C2CD5: variants seen among roughly 807,000 people sequenced by gnomAD.
C2CD5 encodes the protein C2 calcium dependent domain containing 5, also known as C2 domain-containing protein 5.
Under a neutral mutation model 130.3 loss-of-function variants are expected in C2CD5, and 109 were observed. That is an observed-to-expected ratio of 0.84 (90% confidence interval 0.72 to 0.98). The LOEUF is 0.98. Among genes scored for constraint, C2CD5 ranks in the 50% least tolerant of loss-of-function variants. C2CD5 has a pLI of 0.00. For synonymous variants in C2CD5, 454 were observed against 429.2 expected (o/e 1.06, Z -0.71); for missense variants, 996 against 1,261.8 (o/e 0.79, Z 3.19).
Position 22,493,273 on chromosome 12 carries a change from T to C in C2CD5, c.1212A>G (p.Lys404=). ...CCACTACAGCATGACAGCCTAATGCTTTAGCATGTGATTTTATTTCTTGTC... is the reference window on the plus strand; with the variant it reads ...CCACTACAGCATGACAGCCTAATGCCTTAGCATGTGATTTTATTTCTTGTC... ...EIRQEIKSHA[K]ALGCHAVVGY... The change falls in exon 11 of 27, where the codon AAA becomes AAG. Residue 404 remains lysine, a synonymous_variant. Coordinates refer to ENST00000446597, the MANE Select transcript of C2CD5 (RefSeq NM_001286176.2). 1 of 1,612,082 alleles carries C rather than the reference T, an allele frequency of 6.2e-7. No individual in the cohort carries two copies. Among genetic ancestry groups the C allele is most frequent in the Non-Finnish European group, 8.5e-7 (1 of 1,178,802 alleles).
chr12:22,461,761 G>A (rs1023015013), intron 22 of C2CD5, among the ~76,000 whole-genome samples: 5 of 152,006 alleles, frequency 3.3e-5, no homozygotes, highest in Admixed American at 1.3e-4. Context: ...AAAAAGGGAG[G>A]GAAAATGTTT....
chr12:22,489,586 T>C (rs1946072585), intron 12 of C2CD5, among the ~76,000 whole-genome samples: 1 of 152,100 alleles, frequency 6.6e-6, no homozygotes, highest in Non-Finnish European at 1.5e-5. Context: ...GCAAATACTA[T>C]ACCATTTTAT....
At chr12:22,466,301 A>C (rs1387523355) in intron 22 of C2CD5, among the ~76,000 whole-genome samples, 5 of 146,954 alleles carry the variant, frequency 3.4e-5, no homozygotes, top group African/African-American at 8.2e-5. Flanking sequence ...AAGTTACTGA[A>C]AGTAAAAAAA....
intron 7 of C2CD5, among the ~76,000 whole-genome samples, chr12:22,518,388 G>A (rs1477936480): frequency 6.6e-6 from 1 of 152,004 alleles, no homozygotes; most frequent in Non-Finnish European, 1.5e-5. Context: ...GACAGACTAA[G>A]GGGATAAAAA....
At chr12:22,532,776 G>A (rs895571380) in intron 3 of C2CD5, among the ~76,000 whole-genome samples, 1 of 152,128 alleles carries the variant, frequency 6.6e-6, no homozygotes, top group Admixed American at 6.6e-5. Flanking sequence ...CTCTTTCACT[G>A]AAGAATGACA....
intron 15 of C2CD5, chr12:22,477,388 T>C (rs1344765289): frequency 1.3e-5 from 2 of 152,154 alleles, no homozygotes; most frequent in African/African-American, 4.8e-5. Context: ...TTAACAACTA[T>C]GCTAGAATAA....
chr12:22,505,886 G>C (rs1053503658), intron 10 of C2CD5, among the ~76,000 whole-genome samples: 31 of 146,894 alleles, frequency 2.1e-4, no homozygotes, highest in Non-Finnish European at 9.3e-5. Flanking sequence ...TCAATTCTTA[G>C]CTACTCTAGA....
chr12:22,479,619 C>G (rs1006543562), intron 14 of C2CD5, among the ~76,000 whole-genome samples: 2 of 152,078 alleles, frequency 1.3e-5, no homozygotes, highest in Non-Finnish European at 2.9e-5. Context: ...AAAACCCAAA[C>G]GCATTTCACT....
rs1334451588 is a variant in C2CD5, at chr12:22,449,596, G to C, written c.*164C>G. 1 of 590,242 alleles carries C rather than the reference G, an allele frequency of 1.7e-6. No homozygotes were observed. The highest frequency in any genetic ancestry group is 2.9e-6 in the Non-Finnish European group (1 of 346,692). The allele number at this position is 590,242 out of a possible 1,614,324, so 36.6% of individuals were successfully genotyped here. On this transcript the variant is annotated 3_prime_UTR_variant, in exon 27 of 27. Transcript: ENST00000446597. ...CTAGAACAGGCAAACAAAATGTCAA[G>C]ATTAGAAAATTCTCATGCCTCCAAA...
chr12:22,455,275 A>G (rs1203795674), intron 25 of C2CD5, among the ~76,000 whole-genome samples: 1 of 152,196 alleles, frequency 6.6e-6, no homozygotes, highest in Non-Finnish European at 1.5e-5. Flanking sequence ...AAAAATTCTG[A>G]TGACACAGTA....
intron 9 of C2CD5, among the ~76,000 whole-genome samples, chr12:22,510,286 G>C (rs1266241233): frequency 6.7e-6 from 1 of 149,566 alleles, no homozygotes; most frequent in Non-Finnish European, 1.5e-5. Flanking sequence ...TGAATTTCAG[G>C]AACTGCAGAA....
At chr12:22,454,809 C>T (rs1939487930) in intron 25 of C2CD5, among the ~76,000 whole-genome samples, 1 of 152,158 alleles carries the variant, frequency 6.6e-6, no homozygotes, top group Admixed American at 6.5e-5. Context: ...TCCATTAGGT[C>T]AGGGACTGTA....
chr12:22,519,342 G>T (rs1412082341), intron 7 of C2CD5: 11 of 978,696 alleles, frequency 1.1e-5, no homozygotes, highest in Admixed American at 3.4e-5. Flanking sequence ...TCAGGGAAGA[G>T]AACTTATTTT....
At chr12:22,536,921 C>G (rs1238383425) in intron 2 of C2CD5, among the ~76,000 whole-genome samples, 1 of 152,036 alleles carries the variant, frequency 6.6e-6, no homozygotes, top group African/African-American at 2.4e-5. Flanking sequence ...TGTTTAATTA[C>G]TAATTTAATT....
intron 10 of C2CD5, among the ~76,000 whole-genome samples, chr12:22,496,768 A>G (rs2136533348): frequency 6.6e-6 from 1 of 151,782 alleles, no homozygotes. Flanking sequence ...CTCTTTGTAG[A>G]TAATATCGCA....
At chr12:22,527,546 G>A (rs561852198) in intron 4 of C2CD5, among the ~76,000 whole-genome samples, 175 bp downstream of exon 4, 13 of 151,888 alleles carry the variant, frequency 8.6e-5, no homozygotes, top group African/African-American at 3.1e-4. Flanking sequence ...TCGAACTCCC[G>A]ACCTCAGGTG....
At chr12:22,493,387 T>G in intron 10 of C2CD5, 50 bp from the exon 11 acceptor site, 1 of 935,270 alleles carries the variant, frequency 1.1e-6, no homozygotes, top group Non-Finnish European at 1.7e-6. Context: ...ACATTATATA[T>G]ATGAACATGA....
At chr12:22,519,357 A>G (rs1950057935) in intron 7 of C2CD5, 4 of 743,676 alleles carry the variant, frequency 5.4e-6, no homozygotes, top group Non-Finnish European at 5.9e-6. Flanking sequence ...TATTTTTTTA[A>G]TCCCTAGCAT....
chr12:22,534,480 GATA>G (rs1267314718), intron 3 of C2CD5, among the ~76,000 whole-genome samples: 2 of 151,944 alleles, frequency 1.3e-5, no homozygotes, highest in African/African-American at 4.8e-5. Context: ...TTATATATCT[GATA>G]ATAAGTTAAT....
Sources: gnomAD v4.1 joint callset for allele counts (sites outside exome capture counted in the v4.1 genomes callset) on GRCh38, gnomAD v4.1.1 for gene constraint, MANE v1.5 for transcripts, NCBI Gene and HGNC (gene_info 2026-07-23, HGNC 2026-07-21) for gene names.